The following SLC19A1 variants were observed in gnomAD, a reference collection of about 807,000 sequenced individuals.
SLC19A1 encodes the protein reduced folate transporter.
In SLC19A1, 37 loss-of-function variants were observed where a neutral mutation model predicts 35.3. The observed-to-expected ratio is 1.05, with a 90% CI of 0.81 to 1.38. SLC19A1 has a LOEUF of 1.38. Among genes scored for constraint, SLC19A1 ranks in the 40% most tolerant of loss-of-function variants. The pLI is 0.00. For missense variants in SLC19A1, 831 were observed against 826.9 expected, an observed-to-expected ratio of 1.00 and a Z score of -0.06; for synonymous variants, 460 against 398.5, an observed-to-expected ratio of 1.15 and a Z score of -1.84.
intron 1 of SLC19A1, among the ~76,000 whole-genome samples, chr21:45,559,654 C>T (rs1211871363): frequency 6.6e-6 from 1 of 152,216 alleles, no homozygotes; most frequent in Non-Finnish European, 1.5e-5. Flanking sequence ...GACGTGGGGC[C>T]ACACCTGTGC....
chr21:45,507,508 C>T, intron 3 of SLC19A1: 2 of 1,582,566 alleles, frequency 1.3e-6, no homozygotes, highest in Non-Finnish European at 1.7e-6. Context: ...AGGGAGGGCA[C>T]CCTGGCTCAG....
Position 45,515,652 on chromosome 21 carries a change from CGA to C in SLC19A1, c.*4_*5del, listed in dbSNP as rs1256034048. 1.2e-6 allele frequency: 2 copies of C among 1,613,062 alleles called. No homozygotes were observed. Among genetic ancestry groups the C allele is most frequent in the Non-Finnish European group, 1.7e-6 (2 of 1,179,990 alleles). Reference sequence around the variant, plus strand: ...CCTGCAAAGTTACCACAGGGGCGCCCGAGAGTCACTGGTTCACATTCTGAACA... The same window carrying C: ...CCTGCAAAGTTACCACAGGGGCGCCCGAGTCACTGGTTCACATTCTGAACA... On this transcript the variant is annotated 3_prime_UTR_variant, in exon 6 of 6. Transcript: ENST00000311124.
At chr21:45,553,927 AGTCCCC>A (rs2078504133) in intron 1 of SLC19A1, among the ~76,000 whole-genome samples, 1 of 5,812 alleles carries the variant, frequency 1.7e-4, no homozygotes, top group East Asian at 6.7e-3. Flanking sequence ...CCCCCCTCCC[AGTCCCC>A]CGTGCCCCCC....
In SLC19A1 at chr21:45,530,799, G is replaced by A; in HGVS notation, c.1122C>T (p.Gly374=). 2 of 1,565,060 alleles carry A rather than the reference G, an allele frequency of 1.3e-6. No homozygotes were observed. The highest frequency in any genetic ancestry group is 1.2e-5 in the South Asian group (1 of 85,638). The part of the protein sequence containing the change: ...LCYAAFVLFR[G]SYQFLVPIAT... Reference sequence around the variant, plus strand: ...CGATGGGCACGAGGAACTGGTAGGAGCCGCGGAACAGCACGAAGGCCGCAT... The same window carrying A: ...CGATGGGCACGAGGAACTGGTAGGAACCGCGGAACAGCACGAAGGCCGCAT... The change falls in exon 4 of 6, where the codon GGC becomes GGT. Residue 374 remains glycine, a synonymous_variant. Transcript: ENST00000311124. This position sits in a 1 kb window ranked among gnomAD's most constrained non-coding sequence, Gnocchi z 5.3.
chr21:45,522,780 C>A (rs1286627434), intron 5 of SLC19A1, among the ~76,000 whole-genome samples: 2 of 152,124 alleles, frequency 1.3e-5, no homozygotes, highest in African/African-American at 4.8e-5. Flanking sequence ...CCTGAAATGA[C>A]AAACTCATAC....
At chr21:45,503,478 C>A (rs931230875) in intron 3 of SLC19A1, among the ~76,000 whole-genome samples, 2 of 151,908 alleles carry the variant, frequency 1.3e-5, no homozygotes, top group African/African-American at 4.8e-5. Context: ...GAGTTCATGT[C>A]CTTTGTAGGG....
Position 45,517,295 on chromosome 21 carries a change from C to G in SLC19A1, c.1294-1155G>C, listed in dbSNP as rs73372904. ...CAGCCCAACATGAGGAAAGACCTTTCGACAGGAATCGCCCTGCTCCCCGCA... is the reference window on the plus strand; with the variant it reads ...CAGCCCAACATGAGGAAAGACCTTTGGACAGGAATCGCCCTGCTCCCCGCA... On this transcript the variant is annotated intron_variant, in intron 5 of 5. Transcript: ENST00000311124. The surrounding 1 kb of genome is among the most constrained non-coding windows in gnomAD (Gnocchi z 4.4). Among the ~76,000 whole-genome samples the G allele has an allele frequency of 6.6e-6, 1 of 152,164 alleles. No homozygotes were observed. The highest frequency in any genetic ancestry group is 1.5e-5 in the Non-Finnish European group (1 of 68,012).
chr21:45,509,511 C>T (rs1156468067), downstream of SLC19A1: 21 of 1,532,386 alleles, frequency 1.4e-5, no homozygotes, highest in East Asian at 1.2e-4. Flanking sequence ...AGCCCTACCC[C>T]GGAGCCCCGC....
upstream of SLC19A1, among the ~76,000 whole-genome samples, chr21:45,548,982 TC>T (rs2078439711): frequency 6.6e-6 from 1 of 152,136 alleles, no homozygotes; most frequent in Non-Finnish European, 1.5e-5. Context: ...TGGGGCAGCT[TC>T]TTGTGGAGTT....
chr21:45,551,014 C>G (rs1255782694), intron 1 of SLC19A1, among the ~76,000 whole-genome samples: 1 of 150,928 alleles, frequency 6.6e-6, no homozygotes, highest in East Asian at 2.0e-4. Flanking sequence ...ACTTCCTCCT[C>G]TACCTTCCCC....
intron 1 of SLC19A1, among the ~76,000 whole-genome samples, chr21:45,538,437 G>A (rs1437195533): frequency 2.6e-5 from 4 of 152,224 alleles, no homozygotes; most frequent in East Asian, 1.9e-4. Flanking sequence ...GGCAGCCCAC[G>A]TGCCTGCTGC....
intron 3 of SLC19A1, chr21:45,504,324 C>G: frequency 7.4e-7 from 1 of 1,356,248 alleles, no homozygotes; most frequent in Non-Finnish European, 1.0e-6. Flanking sequence ...CCGGAAGCTT[C>G]TGACTGCCCA....
chr21:45,523,975 G>A (rs1220313367), intron 5 of SLC19A1, among the ~76,000 whole-genome samples: 3 of 152,198 alleles, frequency 2.0e-5, no homozygotes, highest in Non-Finnish European at 4.4e-5. Flanking sequence ...CTGCAGACCT[G>A]AGACCAGCCC....
chr21:45,537,106 G>A (rs978631326), intron 2 of SLC19A1, among the ~76,000 whole-genome samples: 2 of 152,218 alleles, frequency 1.3e-5, no homozygotes, highest in African/African-American at 4.8e-5. Flanking sequence ...GTGGAAGGCA[G>A]GTGCCCAGCA....
rs1602632873 is a variant in SLC19A1 at position 45,507,557 on chromosome 21, C to T, written c.498-8945G>A. On this transcript the variant is annotated intron_variant, in intron 3 of 4. Coordinates refer to the SLC19A1 transcript ENST00000417954. Reference sequence around the variant, plus strand: ...TCCTGGGTGACCCTGCTGCTTTCTTCCAGCTGGAGGCCCGGACACCACTCC... The same window carrying T: ...TCCTGGGTGACCCTGCTGCTTTCTTTCAGCTGGAGGCCCGGACACCACTCC... The T allele has an allele frequency of 6.2e-7, 1 of 1,612,006 alleles. No individual in the cohort carries two copies. Among genetic ancestry groups the T allele is most frequent in the African/African-American group, 1.3e-5 (1 of 74,822 alleles).
chr21:45,509,680 G>A (rs2037456356), downstream of SLC19A1: 2 of 836,322 alleles, frequency 2.4e-6, no homozygotes, highest in African/African-American at 1.7e-5. Flanking sequence ...AGCCCCTGCA[G>A]AGCTGCTGGG....
At chr21:45,537,719 T>TGGGGGGGGGGCCCCCCCCCC in intron 2 of SLC19A1, 52 bp downstream of exon 2, 2 of 319,776 alleles carry the variant, frequency 6.3e-6, no homozygotes, top group African/African-American at 2.6e-5. Context: ...CAGACGCTGC[T>TGGGGGGGGGGCCCCCCCCCC]CCCCGCCCAC....
In SLC19A1 at chr21:45,512,864, A is replaced by G; in HGVS notation, c.*2794T>C. The G allele has an allele frequency of 3.9e-6, 1 of 258,946 alleles. No individual in the cohort carries two copies. Among genetic ancestry groups the G allele is most frequent in the South Asian group, 4.2e-5 (1 of 23,542 alleles). 16.0% of individuals were successfully genotyped at this position (258,946 alleles called of 1,614,324 possible). ...GGGAGCTGAGGCCACACTCAGCACA[A>G]GGCCATCTGGGCTCCTCCAGGGTGT... On this transcript the variant is annotated 3_prime_UTR_variant, in exon 6 of 6. Coordinates refer to ENST00000311124, the MANE Select transcript of SLC19A1 (RefSeq NM_194255.4).
downstream of SLC19A1, among the ~76,000 whole-genome samples, chr21:45,509,009 A>T (rs2037413073): frequency 6.6e-6 from 1 of 151,958 alleles, no homozygotes; most frequent in Non-Finnish European, 1.5e-5. Context: ...GCCCTGGGAG[A>T]TTAGAAGGTC....
Sources: allele counts gnomAD v4.1 joint callset (sites outside exome capture counted in the v4.1 genomes callset), GRCh38; gene constraint gnomAD v4.1.1; non-coding constraint Gnocchi (gnomAD v3.1); transcripts MANE v1.5; gene names NCBI Gene and HGNC (gene_info 2026-07-23, HGNC 2026-07-21).